ADGRL1: variants seen among roughly 807,000 people sequenced by gnomAD.
ADGRL1 encodes CIRL-1.
ADGRL1 carries 31 observed loss-of-function variants against 148.9 expected under a neutral mutation model. That is an observed-to-expected ratio of 0.21 (90% CI 0.16 to 0.28). The LOEUF is 0.28. Ranked by LOEUF, ADGRL1 falls within the 10% of genes least tolerant of loss-of-function variation. The probability of loss-of-function intolerance (pLI) is 1.00; values close to 1 mark genes in which losing one functional copy is unlikely to be tolerated. For synonymous variants in ADGRL1, 937 were observed against 900.3 expected (o/e 1.04, Z -0.73); for missense variants, 1,521 against 2,058.8 (o/e 0.74, Z 5.05).
Position 14,152,189 on chromosome 19 carries a change from G to A in ADGRL1, c.3650-39C>T. 1.2e-6 allele frequency: 2 copies of A among 1,614,126 alleles called. No individual in the cohort carries two copies. Among genetic ancestry groups the A allele is most frequent in the Non-Finnish European group, 1.7e-6 (2 of 1,180,018 alleles). On this transcript the variant is annotated intron_variant, in intron 21 of 22. Transcript: ENST00000361434. This position sits in a 1 kb window ranked among gnomAD's most constrained non-coding sequence, Gnocchi z 6.1. ...CCAGAAGAGAGAAGAGAAAAGGCAA[G>A]GATGAGCTCGAAATGCAAGTCCAGG...
chr19:14,156,660 C>T lies in ADGRL1; in HGVS notation c.3031G>A (p.Val1011Met), dbSNP rs772863633. Residue 1011 changes from valine (V) to methionine (M), a missense_variant and splice_region_variant, in exon 16 of 23, where the codon GTG becomes ATG. Physicochemically the swap from Val to Met is conservative, Grantham distance 21 (BLOSUM62 1). This residue lies in a region of ADGRL1 where 185 missense variants were observed against 251.7 expected (regional missense o/e 0.74). Coordinates refer to ENST00000361434, the MANE Select transcript of ADGRL1 (RefSeq NM_014921.5). ...AGGGGTGTCACCTCCCAACTCACCA[C>T]GATAACGAAGGAGACTGGCCCGATG... ...SFIGPVSFVI[V>M]VNLVFLMVTL... The T allele has an allele frequency of 5.4e-5, 87 of 1,610,668 alleles. No individual in the cohort carries two copies. Among genetic ancestry groups the T allele is most frequent in the Middle Eastern group, 3.8e-4 (2 of 5,326 alleles).
intron 4 of ADGRL1, among the ~76,000 whole-genome samples, chr19:14,165,744 C>A (rs1257591035): frequency 1.6e-4 from 24 of 149,292 alleles, no homozygotes; most frequent in Non-Finnish European, 4.5e-5. Flanking sequence ...CTGGGGCCAG[C>A]AGCCCAGGCC....
At chr19:14,176,261 G>A (rs1221719722) in intron 3 of ADGRL1, among the ~76,000 whole-genome samples, 1 of 151,956 alleles carries the variant, frequency 6.6e-6, no homozygotes, top group Non-Finnish European at 1.5e-5. Flanking sequence ...TGAGGCAGGA[G>A]AATCGCTTGA....
chr19:14,170,621 C>G, intron 4 of ADGRL1, 61 bp downstream of exon 4: 1 of 1,004,998 alleles, frequency 1.0e-6, no homozygotes, highest in Non-Finnish European at 1.5e-6. Context: ...GTCAAGGTGT[C>G]TCCTCCTCAC....
Position 14,158,013 on chromosome 19 carries a change from A to T in ADGRL1, c.2404T>A (p.Tyr802Asn). 6.2e-7 allele frequency: 1 copy of T among 1,614,202 alleles called. No individual in the cohort carries two copies. Among genetic ancestry groups the T allele is most frequent in the Non-Finnish European group, 8.5e-7 (1 of 1,180,018 alleles). ...TAGCCCAGCATGGAACGCTCCGAGT[A>T]GTTCCAGAAGGAGCAGTTAGCATTG... Reference protein sequence around the residue: ...HFNANCSFWNYSERSMLGYWS... With the variant: ...HFNANCSFWNNSERSMLGYWS... Residue 802 changes from tyrosine to asparagine, a missense_variant, in exon 13 of 23, where the codon TAC (tyrosine) becomes AAC (asparagine). Tyr to Asn is a moderately radical substitution (Grantham distance 143). Transcript: ENST00000361434.
chr19:14,160,687 G>A lies in ADGRL1; in HGVS notation c.1520C>T (p.Ser507Phe). Residue 507 changes from serine (S) to phenylalanine (F), a missense_variant, in exon 7 of 23, where the codon TCC (serine) becomes TTC (phenylalanine). Physicochemically the swap from Ser to Phe is radical, Grantham distance 155 (BLOSUM62 -2). Transcript: ENST00000361434. The surrounding 1 kb of genome is among the most constrained non-coding windows in gnomAD (Gnocchi z 5.9). ...CCCCAAGGCTGGTAGACACTGGAAG[G>A]AGGCAATTCCTGCAGGGACAGACAG... The part of the protein sequence containing the change: ...PCPKGTRGIA[S>F]FQCLPALGLW... 1.2e-6 allele frequency: 2 copies of A among 1,608,642 alleles called. No homozygotes were observed. The highest frequency in any genetic ancestry group is 1.1e-5 in the South Asian group (1 of 90,624).
Position 14,152,757 on chromosome 19 carries a change from C to T in ADGRL1, c.3423+27G>A. The T allele has an allele frequency of 6.2e-7, 1 of 1,612,814 alleles. No individual in the cohort carries two copies. The highest frequency in any genetic ancestry group is 8.5e-7 in the Non-Finnish European group (1 of 1,179,216). On this transcript the variant is annotated intron_variant, in intron 19 of 22. Coordinates refer to ENST00000361434, the MANE Select transcript of ADGRL1 (RefSeq NM_014921.5). The surrounding 1 kb of genome is among the most constrained non-coding windows in gnomAD (Gnocchi z 6.1). ...CAGGCTCCAGGTTCCAACACTCAGCCCCAGGGAGTCCTGTCTGGCCCGATA... is the reference window on the plus strand; with the variant it reads ...CAGGCTCCAGGTTCCAACACTCAGCTCCAGGGAGTCCTGTCTGGCCCGATA...
intron 1 of ADGRL1, chr19:14,191,469 C>T: frequency 4.4e-6 from 2 of 456,574 alleles, no homozygotes; most frequent in South Asian, 3.1e-5. Flanking sequence ...CCCTTGTCCC[C>T]ATTGTCACCT....
chr19:14,196,510 C>T (rs980780122), intron 1 of ADGRL1, among the ~76,000 whole-genome samples: 6 of 152,182 alleles, frequency 3.9e-5, no homozygotes, highest in African/African-American at 1.4e-4. Context: ...ATCCCAGCTC[C>T]TCGGGAGGCT....
chr19:14,175,129 C>T (rs991501722), intron 3 of ADGRL1, among the ~76,000 whole-genome samples: 7 of 152,184 alleles, frequency 4.6e-5, no homozygotes, highest in African/African-American at 1.4e-4. Context: ...AGGCGTGAGC[C>T]ACCGCGTCCA....
chr19:14,197,819 G>C (rs1420314484), intron 1 of ADGRL1, among the ~76,000 whole-genome samples: 3 of 152,198 alleles, frequency 2.0e-5, no homozygotes, highest in Non-Finnish European at 1.5e-5. Flanking sequence ...GCAAGGAGTG[G>C]ATGCTTATTC....
In ADGRL1 at chr19:14,160,674, T is replaced by C. The variant is rs761161886; in HGVS notation, c.1533A>G (p.Leu511=). 8 of 1,611,458 alleles carry C rather than the reference T, an allele frequency of 5.0e-6. No homozygotes were observed. The highest frequency in any genetic ancestry group is 2.2e-5 in the South Asian group (2 of 90,748). Residue 511 remains leucine (L), a synonymous_variant, in exon 7 of 23, where the codon CTA becomes CTG. Transcript: ENST00000361434. This position sits in a 1 kb window ranked among gnomAD's most constrained non-coding sequence, Gnocchi z 5.9. The part of the protein sequence containing the change: ...GTRGIASFQC[L]PALGLWNPRG... The stretch of plus-strand genomic sequence containing the variant: ...GGGGGTTCCAGAGCCCCAAGGCTGG[T>C]AGACACTGGAAGGAGGCAATTCCTG...
At position 14,162,406 on chromosome 19, in the gene ADGRL1, C is replaced by T. The variant is rs1314492365; in HGVS notation, c.1195+200G>A. 6.6e-6 allele frequency among the ~76,000 whole-genome samples: 1 copy of T among 152,186 alleles called. No homozygotes were observed. The highest frequency in any genetic ancestry group is 1.5e-5 in the Non-Finnish European group (1 of 68,040). ...CTGTAAAACAGGGCAGTAAGGATCC[C>T]TGTGTCATAGACCGTGAGGAGACGA... On this transcript the variant is annotated intron_variant, in intron 5 of 22. Transcript: ENST00000361434. The surrounding 1 kb of genome is among the most constrained non-coding windows in gnomAD (Gnocchi z 5.4).
At chr19:14,171,017 T>G in intron 3 of ADGRL1, 3 of 490,446 alleles carry the variant, frequency 6.1e-6, no homozygotes, top group South Asian at 4.3e-5. Context: ...GATTGGATCA[T>G]GGGGGCAGTT....
intron 1 of ADGRL1, among the ~76,000 whole-genome samples, chr19:14,184,632 TTATTTATTTATTTA>T (rs1233157807): frequency 3.5e-4 from 45 of 129,758 alleles, no homozygotes; most frequent in African/African-American, 1.6e-3. Flanking sequence ...ATTTATTTAT[TTATTTATTTATTTA>T]TTTTTTTTTC....
intron 3 of ADGRL1, among the ~76,000 whole-genome samples, chr19:14,172,282 C>T (rs1355331125): frequency 2.0e-5 from 3 of 152,126 alleles, no homozygotes; most frequent in Non-Finnish European, 1.5e-5. Context: ...ACTAGCCAGG[C>T]GTGGTGGTGC....
rs770614683 is a variant in ADGRL1, at chr19:14,152,391, A to T, written c.3567T>A (p.Arg1189=). 1 of 1,601,826 alleles carries T rather than the reference A, an allele frequency of 6.2e-7. No individual in the cohort carries two copies. Among genetic ancestry groups the T allele is most frequent in the South Asian group, 1.1e-5 (1 of 89,490 alleles). The part of the protein sequence containing the change: ...HLLTNPVLQP[R]GGTSPYNTLI... ...GGGTGTTGTAGGGACTGGTGCCCCC[A>T]CGGGGCTGCAGCACGGGGTTGGTCA... The change falls in exon 21 of 23, where the codon CGT becomes CGA. Residue 1189 remains arginine (R), a synonymous_variant. Transcript: ENST00000361434. This position sits in a 1 kb window ranked among gnomAD's most constrained non-coding sequence, Gnocchi z 6.1.
chr19:14,174,761 C>G (rs144720586), intron 3 of ADGRL1, among the ~76,000 whole-genome samples: 1 of 151,824 alleles, frequency 6.6e-6, no homozygotes, highest in African/African-American at 2.4e-5. Context: ...GTCTCGAACT[C>G]CTGACCTCAA....
intron 1 of ADGRL1, among the ~76,000 whole-genome samples, chr19:14,201,314 T>TTTG (rs1555692940): frequency 8.7e-6 from 1 of 115,076 alleles, no homozygotes; most frequent in Admixed American, 9.1e-5. Context: ...TTTTTTTTTT[T>TTTG]GGCGGGGTGG....
Sources: gnomAD v4.1 joint callset for allele counts (sites outside exome capture counted in the v4.1 genomes callset) on GRCh38, gnomAD v4.1.1 for gene constraint, gnomAD v4.1.1 regional missense constraint, Gnocchi (gnomAD v3.1) non-coding constraint, MANE v1.5 for transcripts, NCBI Gene and HGNC (gene_info 2026-07-23, HGNC 2026-07-21) for gene names.